SPAG16: variants seen among roughly 807,000 people sequenced by gnomAD.
The protein encoded by SPAG16 is sperm-associated antigen 16 protein.
SPAG16 carries 86 observed loss-of-function variants against 80.4 expected under a neutral mutation model. The ratio of observed to expected loss-of-function variants is 1.07; its 90% CI spans 0.90 to 1.28. The LOEUF (loss-of-function observed/expected upper bound fraction) is 1.28. Among genes scored for constraint, SPAG16 ranks in the 50% most tolerant of loss-of-function variants. SPAG16 has a pLI of 0.00. For synonymous variants in SPAG16, 294 were observed against 265.9 expected, an observed-to-expected ratio of 1.11 and a Z score of -1.03; for missense variants, 870 against 765.3, an observed-to-expected ratio of 1.14 and a Z score of -1.61.
intron 10 of SPAG16, among the ~76,000 whole-genome samples, chr2:213,686,118 C>CTTTA (rs1393368332): frequency 2.0e-5 from 3 of 151,904 alleles, no homozygotes; most frequent in South Asian, 2.1e-4. Flanking sequence ...CTATGTGTTA[C>CTTTA]TTTATTTATT....
At chr2:213,849,970 A>G (rs1381370712) in intron 10 of SPAG16, among the ~76,000 whole-genome samples, 1 of 152,216 alleles carries the variant, frequency 6.6e-6, no homozygotes, top group Non-Finnish European at 1.5e-5. Flanking sequence ...GTGATTTAGT[A>G]ACATGAAGCA....
chr2:213,893,844 T>A (rs1193304896), intron 11 of SPAG16, among the ~76,000 whole-genome samples: 1 of 151,974 alleles, frequency 6.6e-6, no homozygotes, highest in African/African-American at 2.4e-5. Flanking sequence ...AAGGAAGAGA[T>A]GAATTACAAA....
intron 10 of SPAG16, among the ~76,000 whole-genome samples, chr2:213,792,739 G>A (rs1008437754): frequency 1.3e-5 from 2 of 150,122 alleles, no homozygotes. Flanking sequence ...ATGAGCCACT[G>A]TGCCCAGCCG....
At chr2:214,082,651 G>T (rs2051459411) in intron 13 of SPAG16, among the ~76,000 whole-genome samples, 1 of 152,236 alleles carries the variant, frequency 6.6e-6, no homozygotes, top group African/African-American at 2.4e-5. Flanking sequence ...AGAATTACCT[G>T]GAAAGCTTTA....
At chr2:213,886,733 C>A (rs956772399) in intron 11 of SPAG16, among the ~76,000 whole-genome samples, 4 of 150,946 alleles carry the variant, frequency 2.6e-5, no homozygotes, top group African/African-American at 4.9e-5. Flanking sequence ...ACTTATAAAC[C>A]GTTTATGAAA....
chr2:213,743,781 T>C (rs1303492850), intron 10 of SPAG16, among the ~76,000 whole-genome samples: 1 of 152,220 alleles, frequency 6.6e-6, no homozygotes, highest in Non-Finnish European at 1.5e-5. Context: ...TCTTGTCTTC[T>C]ATCACTTCTA....
chr2:213,640,570 G>A (rs145883350), intron 10 of SPAG16, among the ~76,000 whole-genome samples: 44 of 152,292 alleles, frequency 2.9e-4, no homozygotes, highest in Middle Eastern at 3.4e-3. Flanking sequence ...ATACTGGGGA[G>A]TGTCTGCTAA....
intron 9 of SPAG16, among the ~76,000 whole-genome samples, chr2:213,389,368 G>C (rs991230511): frequency 2.0e-4 from 30 of 152,042 alleles, no homozygotes; most frequent in African/African-American, 6.5e-4. Context: ...TGATTTCTTA[G>C]ATATGACACA....
chr2:214,159,804 T>C (rs1366014588), intron 15 of SPAG16, among the ~76,000 whole-genome samples: 1 of 151,930 alleles, frequency 6.6e-6, no homozygotes, highest in Non-Finnish European at 1.5e-5. Flanking sequence ...ATTATGAAAA[T>C]CAATACTCTG....
At chr2:214,043,594 A>G (rs1339014612) in intron 13 of SPAG16, among the ~76,000 whole-genome samples, 1 of 152,184 alleles carries the variant, frequency 6.6e-6, no homozygotes, top group Non-Finnish European at 1.5e-5. Context: ...AAATGGGGAA[A>G]AAACTCAGTC....
intron 15 of SPAG16, among the ~76,000 whole-genome samples, chr2:214,386,132 C>T (rs541866763): frequency 5.3e-5 from 8 of 151,806 alleles, no homozygotes; most frequent in East Asian, 2.0e-4. Context: ...CCTAGCACTT[C>T]GGGAGGCTGA....
intron 10 of SPAG16, among the ~76,000 whole-genome samples, chr2:213,523,913 G>T (rs1321729655): frequency 6.6e-6 from 1 of 152,210 alleles, no homozygotes; most frequent in Admixed American, 6.5e-5. Context: ...GCCTGACAAT[G>T]CAATAGAAAA....
intron 9 of SPAG16, among the ~76,000 whole-genome samples, chr2:213,383,341 G>C (rs2067273203): frequency 6.6e-6 from 1 of 152,038 alleles, no homozygotes; most frequent in South Asian, 2.1e-4. Flanking sequence ...GTATCTTGCT[G>C]ACCCCTCTTG....
intron 15 of SPAG16, among the ~76,000 whole-genome samples, chr2:214,210,139 T>C (rs2058252311): frequency 6.6e-6 from 1 of 152,168 alleles, no homozygotes; most frequent in East Asian, 1.9e-4. Flanking sequence ...AGGAAGAAGT[T>C]GGGGGGAAGG....
chr2:214,175,334 AATAT>A (rs1317485642), intron 15 of SPAG16, among the ~76,000 whole-genome samples: 16 of 116,194 alleles, frequency 1.4e-4, no homozygotes, highest in African/African-American at 4.3e-4. Flanking sequence ...TATATAAAGA[AATAT>A]ATATATATGA....
In SPAG16 at chr2:213,364,108, G is replaced by A. The variant is rs752908640; in HGVS notation, c.795G>A (p.Leu265=). Residue 265 remains leucine, a synonymous_variant, in exon 8 of 16, where the codon CTG becomes CTA. Transcript: ENST00000331683. ...ISGLQETLKK[L]QRGHSYHGPQ... is the part of the protein sequence containing the mutation. ...GACTTCAAGAAACATTGAAGAAACT[G>A]CAAAGAGGACATAGTTACCATGGTC... 5.9e-6 allele frequency: 9 copies of A among 1,524,928 alleles called. No individual in the cohort carries two copies. The highest frequency in any genetic ancestry group is 1.3e-5 in the South Asian group (1 of 74,852). 94.5% of individuals were successfully genotyped at this position (1,524,928 alleles called of 1,614,324 possible). A position where few individuals can be genotyped will look rare whatever the true frequency, so the allele number is the denominator to read the frequency against.
chr2:214,359,503 G>A (rs1444121228), intron 15 of SPAG16, among the ~76,000 whole-genome samples: 1 of 151,862 alleles, frequency 6.6e-6, no homozygotes, highest in Non-Finnish European at 1.5e-5. Flanking sequence ...ACTGAAAAAA[G>A]TTTAATGCTT....
At chr2:213,852,232 C>T (rs1002659903) in intron 10 of SPAG16, among the ~76,000 whole-genome samples, 1 of 152,154 alleles carries the variant, frequency 6.6e-6, no homozygotes, top group Non-Finnish European at 1.5e-5. Context: ...TGATGAGGAG[C>T]CGTAGTTTAA....
intron 10 of SPAG16, among the ~76,000 whole-genome samples, chr2:213,732,600 T>A (rs1387242559): frequency 6.6e-6 from 1 of 152,204 alleles, no homozygotes; most frequent in Non-Finnish European, 1.5e-5. Context: ...TCTAATTCTG[T>A]GAAAAATGTC....
Sources: allele counts gnomAD v4.1 joint callset (sites outside exome capture counted in the v4.1 genomes callset), GRCh38; gene constraint gnomAD v4.1.1; transcripts MANE v1.5; gene names NCBI Gene and HGNC (gene_info 2026-07-23, HGNC 2026-07-21).